Variants in VIPR2 observed in about 807,000 individuals in gnomAD.
The protein encoded by VIPR2 is vasoactive intestinal polypeptide receptor 2.
Under a neutral mutation model 58.0 loss-of-function variants are expected in VIPR2, and 48 were observed. The observed-to-expected ratio is 0.83, with a 90% confidence interval of 0.66 to 1.05. The LOEUF is 1.05. Ranked by LOEUF, VIPR2 falls within the 50% of genes least tolerant of loss-of-function variation. The pLI is 0.00. For synonymous variants in VIPR2, 243 were observed against 235.2 expected (o/e 1.03, Z -0.30); for missense variants, 534 against 558.0 (o/e 0.96, Z 0.43).
intron 2 of VIPR2, among the ~76,000 whole-genome samples, chr7:159,132,341 C>G (rs1189116854): frequency 7.2e-6 from 1 of 139,848 alleles, no homozygotes; most frequent in East Asian, 2.0e-4. Context: ...ACCCTGAGCT[C>G]TCCGACTCCA....
chr7:159,136,247 G>A (rs966288837), intron 2 of VIPR2, among the ~76,000 whole-genome samples: 5 of 152,086 alleles, frequency 3.3e-5, no homozygotes, highest in Admixed American at 1.3e-4. Flanking sequence ...GGGGCTGAGC[G>A]TGTTGGCCCA....
chr7:159,101,007 T>TCCC (rs1563326350), intron 4 of VIPR2, among the ~76,000 whole-genome samples: 5 of 139,150 alleles, frequency 3.6e-5, no homozygotes, highest in East Asian at 2.1e-4. Flanking sequence ...ACGAGGCGGT[T>TCCC]CTGACTGTTC....
chr7:159,079,572 C>T (rs1414164781), intron 4 of VIPR2, among the ~76,000 whole-genome samples: 1 of 152,048 alleles, frequency 6.6e-6, no homozygotes, highest in Non-Finnish European at 1.5e-5. Flanking sequence ...GAAGCAAGAG[C>T]AAACACATTC....
At chr7:159,057,399 G>A (rs1249730110) in intron 5 of VIPR2, among the ~76,000 whole-genome samples, 2 of 152,136 alleles carry the variant, frequency 1.3e-5, no homozygotes, top group African/African-American at 4.8e-5. Flanking sequence ...TATTCTTTCT[G>A]AGAATTACCA....
At chr7:159,142,209 T>A (rs1390123295) in intron 2 of VIPR2, among the ~76,000 whole-genome samples, 1 of 152,236 alleles carries the variant, frequency 6.6e-6, no homozygotes, top group Non-Finnish European at 1.5e-5. Context: ...TCTCAAACCA[T>A]GGAAACTGTT....
Position 159,030,809 on chromosome 7 carries a change from G to T in VIPR2, c.1144-20C>A, listed in dbSNP as rs1366162588. ...CTGCACCTGGGAGGTGAGGGCAGCG[G>T]GAACGCCCGTGAGCCTGGGCAGGTG... is the stretch of plus-strand genomic sequence containing the variant. On this transcript the variant is annotated intron_variant, in intron 12 of 12. Coordinates refer to ENST00000262178, the MANE Select transcript of VIPR2 (RefSeq NM_003382.5). The T allele has an allele frequency of 2.6e-6, 4 of 1,547,250 alleles. No homozygotes were observed. The Admixed American group carries it at 5.5e-5, about 21-fold the overall frequency.
intron 4 of VIPR2, among the ~76,000 whole-genome samples, chr7:159,082,492 T>C (rs1486023730): frequency 2.0e-5 from 3 of 152,204 alleles, no homozygotes; most frequent in East Asian, 1.9e-4. Context: ...GGGGGAGGGA[T>C]AGCATTAGGA....
At chr7:159,134,183 A>C (rs1390830715) in intron 2 of VIPR2, among the ~76,000 whole-genome samples, 1 of 152,234 alleles carries the variant, frequency 6.6e-6, no homozygotes, top group African/African-American at 2.4e-5. Context: ...GGAGCTACCT[A>C]GGTCTGCCAG....
chr7:159,117,202 T>C (rs758079222), intron 2 of VIPR2: 1 of 654,044 alleles, frequency 1.5e-6, no homozygotes, highest in Non-Finnish European at 2.8e-6. Flanking sequence ...TCACTGCCCT[T>C]TCCCTAGAAG....
At chr7:159,042,971 G>A (rs570081329) in intron 6 of VIPR2, 64 bp downstream of exon 6, 18 of 1,558,098 alleles carry the variant, frequency 1.2e-5, no homozygotes, top group African/African-American at 2.7e-5. Flanking sequence ...CGTCCTCATC[G>A]TGAGAAGAGG....
At chr7:159,108,130 C>T (rs1287549294) in intron 3 of VIPR2, among the ~76,000 whole-genome samples, 1 of 152,212 alleles carries the variant, frequency 6.6e-6, no homozygotes, top group Non-Finnish European at 1.5e-5. Context: ...GAGCACCATG[C>T]AGACGCAAGC....
chr7:159,083,252 C>T (rs989198271), intron 4 of VIPR2, among the ~76,000 whole-genome samples: 1 of 152,222 alleles, frequency 6.6e-6, no homozygotes, highest in Non-Finnish European at 1.5e-5. Context: ...GAGCCTCTTC[C>T]CTTCATCTTT....
chr7:159,104,948 G>A (rs1297041414), intron 3 of VIPR2, among the ~76,000 whole-genome samples: 2 of 152,234 alleles, frequency 1.3e-5, no homozygotes, highest in African/African-American at 4.8e-5. Flanking sequence ...CCGTGACCCA[G>A]TAGGGCAGGC....
intron 2 of VIPR2, among the ~76,000 whole-genome samples, chr7:159,119,229 A>C (rs2129496784): frequency 6.6e-6 from 1 of 152,276 alleles, no homozygotes. Flanking sequence ...CCAGGCATGC[A>C]GGGGTCCCGC....
rs183162600 is a variant in VIPR2 at position 159,133,997 on chromosome 7, T to A, written c.151+8449A>T. On this transcript the variant is annotated intron_variant, in intron 2 of 12. Coordinates refer to ENST00000262178, the MANE Select transcript of VIPR2 (RefSeq NM_003382.5). ...CAGGTAGTTTGATATTATCCGTCTG[T>A]TTAAAAACAGTTTCCAAAATATTTT... is the stretch of plus-strand genomic sequence containing the variant. Among the ~76,000 whole-genome samples, 390 of 152,330 alleles carry A rather than the reference T, an allele frequency of 2.6e-3. 3 individuals carry two copies. The highest frequency in any genetic ancestry group is 9.0e-3 in the African/African-American group (376 of 41,572).
chr7:159,103,721 G>A lies in VIPR2; in HGVS notation c.357+36C>T, dbSNP rs752168489. 9.1e-6 allele frequency: 14 copies of A among 1,536,054 alleles called. No individual in the cohort carries two copies. The South Asian group carries it at 1.6e-4, about 17-fold the overall frequency. On this transcript the variant is annotated intron_variant, in intron 4 of 12. Transcript: ENST00000262178. ...GGCTTCTGGTGCAGTGTTAGGAAGT[G>A]GAACCTCACCACCGTAGCACCACGC... is the stretch of plus-strand genomic sequence containing the variant.
intron 4 of VIPR2, among the ~76,000 whole-genome samples, chr7:159,059,723 C>T (rs1855523760): frequency 1.1e-5 from 1 of 90,150 alleles, no homozygotes. Flanking sequence ...TCATTAACCA[C>T]CACCCTCACC....
intron 2 of VIPR2, among the ~76,000 whole-genome samples, chr7:159,137,878 A>G (rs1482676002): frequency 6.6e-6 from 1 of 152,194 alleles, no homozygotes; most frequent in Non-Finnish European, 1.5e-5. Context: ...TCAGAAAGAA[A>G]ATGAAAAGGA....
At chr7:159,144,005 G>A (rs1173846247) in intron 1 of VIPR2, among the ~76,000 whole-genome samples, 2 of 152,220 alleles carry the variant, frequency 1.3e-5, no homozygotes, top group South Asian at 2.1e-4. Context: ...GAGGGGCCGC[G>A]GATCGATCCA....
Sources: allele counts gnomAD v4.1 joint callset (sites outside exome capture counted in the v4.1 genomes callset), GRCh38; gene constraint gnomAD v4.1.1; transcripts MANE v1.5; gene names NCBI Gene and HGNC (gene_info 2026-07-23, HGNC 2026-07-21).